FRMD4A: variants seen among roughly 807,000 people sequenced by gnomAD.
FRMD4A encodes the protein FERM domain-containing protein 4A.
Under a neutral mutation model 129.1 loss-of-function variants are expected in FRMD4A, and 29 were observed. The observed-to-expected ratio is 0.22, with a 90% CI of 0.17 to 0.31. The LOEUF is 0.31. Among genes scored for constraint, FRMD4A ranks in the 10% least tolerant of loss-of-function variants. The pLI, the probability that FRMD4A is intolerant of heterozygous loss-of-function variation, is 1.00. For missense variants in FRMD4A, 1,272 were observed against 1,375.8 expected, an observed-to-expected ratio of 0.92 and a Z score of 1.19; for synonymous variants, 634 against 571.6, an observed-to-expected ratio of 1.11 and a Z score of -1.56.
In FRMD4A at chr10:13,666,195, T is replaced by C; in HGVS notation, c.1505A>G (p.Asn502Ser). Residue 502 changes from asparagine (N) to serine (S), a missense_variant, in exon 18 of 25, where the codon AAT becomes AGT. Transcript: ENST00000357447. ...AATCTCCTGCAGTTTCTTCAGTGCATTCAGATACGAGGTTTTCCTTTGTTT... is the reference window on the plus strand; with the variant it reads ...AATCTCCTGCAGTTTCTTCAGTGCACTCAGATACGAGGTTTTCCTTTGTTT... ...LKKQRKTSYL[N>S]ALKKLQEIEN... 6.2e-7 allele frequency: 1 copy of C among 1,613,466 alleles called. No individual in the cohort carries two copies. The highest frequency in any genetic ancestry group is 8.5e-7 in the Non-Finnish European group (1 of 1,179,364).
intron 14 of FRMD4A, among the ~76,000 whole-genome samples, chr10:13,695,029 C>G (rs4314962): frequency 6.6e-6 from 1 of 152,018 alleles, no homozygotes; most frequent in Non-Finnish European, 1.5e-5. Context: ...TCAAAGGATA[C>G]TCCCTTTAAT....
intron 24 of FRMD4A, chr10:13,651,356 G>A: frequency 6.5e-6 from 1 of 153,016 alleles, no homozygotes; most frequent in East Asian, 1.9e-4. Context: ...TTGCAGTGAT[G>A]CTGTTCTTTT....
At position 14,330,134 on chromosome 10, in the gene FRMD4A, C is replaced by T; in HGVS notation, c.-32G>A. The T allele has an allele frequency of 1.3e-6, 2 of 1,550,426 alleles. No homozygotes were observed. The highest frequency in any genetic ancestry group is 1.7e-6 in the Non-Finnish European group (2 of 1,146,314). ...CGATTCCCATGCACGAATCCTGCTG[C>T]CGAGTCAGTCCTCCTGGGCCCCGGG... On this transcript the variant is annotated 5_prime_UTR_variant, in exon 2 of 25. Transcript: ENST00000357447.
At chr10:13,719,263 G>A (rs2089178358) in intron 12 of FRMD4A, among the ~76,000 whole-genome samples, 1 of 152,202 alleles carries the variant, frequency 6.6e-6, no homozygotes, top group Non-Finnish European at 1.5e-5. Context: ...AGCCACAGCC[G>A]AGGAGCCGTA....
At chr10:14,232,407 A>C (rs1375473859) in intron 2 of FRMD4A, among the ~76,000 whole-genome samples, 1 of 152,130 alleles carries the variant, frequency 6.6e-6, no homozygotes. Flanking sequence ...TGCTTTTGCT[A>C]TTTGGGCTCC....
intron 2 of FRMD4A, among the ~76,000 whole-genome samples, chr10:14,212,947 G>C (rs2400046): frequency 0.99 from 150,630 of 152,346 alleles, 74,487 homozygotes; most frequent in East Asian, 1. Flanking sequence ...GTTCAGAAAT[G>C]TAGGATAGGT....
chr10:14,306,895 G>T (rs1158751863), intron 2 of FRMD4A, among the ~76,000 whole-genome samples: 1 of 152,188 alleles, frequency 6.6e-6, no homozygotes, highest in Non-Finnish European at 1.5e-5. Context: ...GGGGCGGGAT[G>T]GGGAGAGAAG....
intron 17 of FRMD4A, chr10:13,667,442 A>C (rs2083149251): frequency 6.8e-6 from 1 of 147,622 alleles, no homozygotes; most frequent in African/African-American, 2.5e-5. Context: ...CGGATGGATG[A>C]GATTCTCCTC....
chr10:13,740,049 A>G (rs572659837), intron 11 of FRMD4A, 145 bp downstream of exon 11: 11 of 634,486 alleles, frequency 1.7e-5, no homozygotes, highest in South Asian at 3.8e-5. Flanking sequence ...GCAGTGAGCC[A>G]AGATCGCACC....
At chr10:14,204,703 G>T (rs1213991598) in intron 2 of FRMD4A, among the ~76,000 whole-genome samples, 1 of 152,000 alleles carries the variant, frequency 6.6e-6, no homozygotes, top group Non-Finnish European at 1.5e-5. Flanking sequence ...CTCTAGGTGG[G>T]CACATCACGG....
chr10:13,885,454 T>G (rs2094608235), intron 2 of FRMD4A, among the ~76,000 whole-genome samples: 1 of 152,042 alleles, frequency 6.6e-6, no homozygotes, highest in African/African-American at 2.4e-5. Context: ...CAGATCCACA[T>G]CAGGAGGCAG....
At chr10:14,244,183 G>A (rs992515733) in intron 2 of FRMD4A, among the ~76,000 whole-genome samples, 1 of 152,202 alleles carries the variant, frequency 6.6e-6, no homozygotes, top group Non-Finnish European at 1.5e-5. Context: ...GAAAAGGCAG[G>A]AGGAGTTGTA....
chr10:13,902,666 C>T (rs772012813), intron 2 of FRMD4A, among the ~76,000 whole-genome samples: 1 of 151,784 alleles, frequency 6.6e-6, no homozygotes, highest in African/African-American at 2.4e-5. Flanking sequence ...ATGGTGAAAT[C>T]CCATCTATAC....
intron 3 of FRMD4A, among the ~76,000 whole-genome samples, chr10:13,830,364 G>C (rs1377380109): frequency 1.3e-5 from 2 of 152,196 alleles, no homozygotes; most frequent in Non-Finnish European, 2.9e-5. Context: ...CAAGGAATTG[G>C]GAAGGCGACA....
At chr10:14,030,000 C>G (rs1159573718) in intron 2 of FRMD4A, among the ~76,000 whole-genome samples, 1 of 152,104 alleles carries the variant, frequency 6.6e-6, no homozygotes, top group Non-Finnish European at 1.5e-5. Context: ...ATGTCAGACA[C>G]AGAAAGACAC....
At position 13,832,363 on chromosome 10, in the gene FRMD4A, A is replaced by G. The variant is rs142419143; in HGVS notation, c.112-21455T>C. ...AAACAGACCCTCGTGCTTCGTCCAG[A>G]GTGAGAGGTTTCAGAACAGGAAGCA... On this transcript the variant is annotated intron_variant, in intron 3 of 24. Transcript: ENST00000357447. 1.5e-3 allele frequency among the ~76,000 whole-genome samples: 229 copies of G among 152,212 alleles called. 2 individuals carry two copies. The highest frequency in any genetic ancestry group is 5.0e-3 in the African/African-American group (208 of 41,514).
chr10:13,740,361 T>C, intron 10 of FRMD4A, 110 bp from the exon 11 acceptor site: 1 of 907,064 alleles, frequency 1.1e-6, no homozygotes, highest in Non-Finnish European at 1.8e-6. Flanking sequence ...GTGATAAAGT[T>C]CTCGGAGTGA....
chr10:13,773,299 C>T (rs1217818894), intron 6 of FRMD4A, among the ~76,000 whole-genome samples: 1 of 152,218 alleles, frequency 6.6e-6, no homozygotes, highest in Non-Finnish European at 1.5e-5. Context: ...AGAGCACCTT[C>T]AGTCCACGCT....
chr10:13,842,606 T>C (rs1370692078), intron 3 of FRMD4A, among the ~76,000 whole-genome samples: 1 of 152,256 alleles, frequency 6.6e-6, no homozygotes, highest in Non-Finnish European at 1.5e-5. Flanking sequence ...AAACCGGATC[T>C]GACTTTGCAC....
Sources: gnomAD v4.1 joint callset for allele counts (sites outside exome capture counted in the v4.1 genomes callset) on GRCh38, gnomAD v4.1.1 for gene constraint, MANE v1.5 for transcripts, NCBI Gene and HGNC (gene_info 2026-07-23, HGNC 2026-07-21) for gene names.